MYBL2: variants seen among roughly 807,000 people sequenced by gnomAD.
The protein encoded by MYBL2 is MYB proto-oncogene like 2, also known as myb-related protein B.
Under a neutral mutation model 79.9 loss-of-function variants are expected in MYBL2, and 28 were observed. The observed-to-expected ratio is 0.35, with a 90% confidence interval of 0.26 to 0.48. The LOEUF (loss-of-function observed/expected upper bound fraction) is 0.48, where lower values mean the gene tolerates loss of function less well. Ranked by LOEUF, MYBL2 falls within the 20% of genes least tolerant of loss-of-function variation. The pLI is 0.99. For synonymous variants in MYBL2, 378 were observed against 361.2 expected, an observed-to-expected ratio of 1.05 and a Z score of -0.53; for missense variants, 735 against 893.9, an observed-to-expected ratio of 0.82 and a Z score of 2.27.
chr20:43,668,437 T>G (rs1210754053), intron 1 of MYBL2, among the ~76,000 whole-genome samples: 2 of 152,078 alleles, frequency 1.3e-5, no homozygotes, highest in Non-Finnish European at 2.9e-5. Flanking sequence ...CCTGACCTTG[T>G]GTTCCGCCCG....
chr20:43,706,091 C>T (rs1318554791), intron 9 of MYBL2, among the ~76,000 whole-genome samples: 3 of 151,860 alleles, frequency 2.0e-5, no homozygotes, highest in Admixed American at 6.6e-5. Flanking sequence ...CCTCCCAAAA[C>T]GCTGGGATTA....
chr20:43,685,086 G>A (rs1280080837), intron 4 of MYBL2, among the ~76,000 whole-genome samples: 1 of 149,830 alleles, frequency 6.7e-6, no homozygotes, highest in African/African-American at 2.5e-5. Context: ...GGCGGAGGTT[G>A]CAGTGAGCCG....
In MYBL2 at chr20:43,687,121, C is replaced by A. The variant is rs775088257; in HGVS notation, c.500+49C>A. On this transcript the variant is annotated intron_variant, in intron 5 of 13. Coordinates refer to ENST00000217026, the MANE Select transcript of MYBL2 (RefSeq NM_002466.4). ...GGACAGGTTCCCGGGAGGCCAGGCC[C>A]GTGTTTCTGATGGAGGAGGGTTCCT... is the stretch of plus-strand genomic sequence containing the variant. 7 of 1,577,318 alleles carry A rather than the reference C, an allele frequency of 4.4e-6. No individual in the cohort carries two copies. The South Asian group carries it at 6.8e-5, about 15-fold the overall frequency.
Position 43,702,813 on chromosome 20 carries a change from G to C in MYBL2, c.1275G>C (p.Glu425Asp). 6.2e-7 allele frequency: 1 copy of C among 1,614,170 alleles called. No homozygotes were observed. The highest frequency in any genetic ancestry group is 8.5e-7 in the Non-Finnish European group (1 of 1,180,012). ...GTGTGGCTCTGTCCCCTGTCACTGA[G>C]AATAGCACCAGTCTGTCCTTCCTGG... ...KRRVALSPVT[E>D]NSTSLSFLDS... The change falls in exon 8 of 14, where the codon GAG (glutamate) becomes GAC (aspartate). Residue 425 changes from glutamate to aspartate, a missense_variant. Transcript: ENST00000217026.
intron 9 of MYBL2, among the ~76,000 whole-genome samples, chr20:43,709,406 A>G (rs35245360): frequency 4.7e-4 from 72 of 152,338 alleles, no homozygotes; most frequent in African/African-American, 1.7e-3. Flanking sequence ...TGGTGGGTCT[A>G]CATCTGATAG....
chr20:43,679,195 A>ATGG (rs2145711659), intron 2 of MYBL2, among the ~76,000 whole-genome samples: 1 of 152,290 alleles, frequency 6.6e-6, no homozygotes, highest in African/African-American at 2.4e-5. Context: ...CAGAGAATTT[A>ATGG]TGGTGACTTT....
intron 1 of MYBL2, among the ~76,000 whole-genome samples, chr20:43,668,846 A>C (rs953732065): frequency 1.3e-5 from 2 of 152,004 alleles, no homozygotes; most frequent in African/African-American, 4.8e-5. Flanking sequence ...GACTATGGGC[A>C]CGGGCCGCCA....
chr20:43,713,171 G>A (rs1328363142), intron 12 of MYBL2, 65 bp downstream of exon 12: 1 of 1,366,584 alleles, frequency 7.3e-7, no homozygotes, highest in East Asian at 2.6e-5. Flanking sequence ...AGTTAGTGTA[G>A]TGACTCTCCA....
chr20:43,682,331 C>T (rs1474443141), intron 3 of MYBL2, among the ~76,000 whole-genome samples: 1 of 152,084 alleles, frequency 6.6e-6, no homozygotes, highest in Admixed American at 6.5e-5. Flanking sequence ...CCCTGACCCA[C>T]AGGTGTCTGG....
chr20:43,701,761 CTG>C, intron 7 of MYBL2, among the ~76,000 whole-genome samples: 1 of 152,348 alleles, frequency 6.6e-6, no homozygotes, highest in African/African-American at 2.4e-5. Context: ...TGGTTCATGT[CTG>C]TAATCCCAGC....
intron 2 of MYBL2, among the ~76,000 whole-genome samples, chr20:43,675,685 G>A (rs1265359372): frequency 6.6e-6 from 1 of 151,952 alleles, no homozygotes; most frequent in African/African-American, 2.4e-5. Context: ...GTTTTCTGTG[G>A]TCCTTTGTGG....
intron 11 of MYBL2, among the ~76,000 whole-genome samples, chr20:43,712,430 G>A (rs1258730598): frequency 6.6e-6 from 1 of 152,138 alleles, no homozygotes; most frequent in Non-Finnish European, 1.5e-5. Flanking sequence ...CTCCTTGGTG[G>A]GGATGGTTGT....
chr20:43,683,145 G>A (rs758365243), intron 4 of MYBL2, among the ~76,000 whole-genome samples: 1 of 152,202 alleles, frequency 6.6e-6, no homozygotes, highest in Non-Finnish European at 1.5e-5. Flanking sequence ...TCCACCCATG[G>A]AGGGGAGCAG....
chr20:43,706,719 G>GTGTTTTTTTTTTTTT (rs1987791193), intron 9 of MYBL2, among the ~76,000 whole-genome samples: 56 of 70,780 alleles, frequency 7.9e-4, no homozygotes, highest in African/African-American at 3.1e-3. Context: ...AAAAAAAAAA[G>GTGTTTTTTTTTTTTT]TTTTTTTTTT....
At chr20:43,672,910 T>A (rs745357202) in intron 1 of MYBL2, among the ~76,000 whole-genome samples, 13 of 152,224 alleles carry the variant, frequency 8.5e-5, no homozygotes, top group Admixed American at 2.6e-4. Context: ...TAGTCTGATT[T>A]TGAACATAAT....
rs376628156 is a variant in MYBL2, at chr20:43,699,789, T to G, written c.696T>G (p.Pro232=). The change falls in exon 7 of 14, where the codon CCT becomes CCG. Residue 232 remains proline (P), a synonymous_variant. Transcript: ENST00000217026. ...GSLLTNWPSV[P]PTIKEEENSE... ...TTCTGACCAACTGGCCCTCCGTCCC[T>G]CCTACCATAAAGGAGGAGGAAAACA... 3.7e-6 allele frequency: 6 copies of G among 1,614,002 alleles called. No homozygotes were observed. Among genetic ancestry groups the G allele is most frequent in the Non-Finnish European group, 5.1e-6 (6 of 1,180,012 alleles).
In MYBL2 at chr20:43,692,359, C is replaced by T. The variant is rs752675505; in HGVS notation, c.663+40C>T. On this transcript the variant is annotated intron_variant, in intron 6 of 13. Transcript: ENST00000217026. The stretch of plus-strand genomic sequence containing the variant: ...CAGCCTTTGGCTTGGTTTGATTTCA[C>T]ATTCATCTGACACCATCTCATTGAA... 1.3e-5 allele frequency: 21 copies of T among 1,610,090 alleles called. No homozygotes were observed. The East Asian group carries it at 4.5e-4, about 34-fold the overall frequency.
chr20:43,704,409 A>G (rs1987735711), intron 8 of MYBL2, among the ~76,000 whole-genome samples: 1 of 152,168 alleles, frequency 6.6e-6, no homozygotes, highest in East Asian at 1.9e-4. Context: ...AATTTGGGGG[A>G]GACACAGGTC....
chr20:43,715,540 C>G (rs1197341733), intron 13 of MYBL2, among the ~76,000 whole-genome samples: 1 of 152,204 alleles, frequency 6.6e-6, no homozygotes. Flanking sequence ...AGAGATACCC[C>G]CATTCTGCCA....
Sources: allele counts gnomAD v4.1 joint callset (sites outside exome capture counted in the v4.1 genomes callset), GRCh38; gene constraint gnomAD v4.1.1; transcripts MANE v1.5; gene names NCBI Gene and HGNC (gene_info 2026-07-23, HGNC 2026-07-21).